The following NLRP9 variants were observed in gnomAD, a reference collection of about 807,000 sequenced individuals.
NLRP9 encodes the protein NACHT, LRR and PYD domains-containing protein 9.
A neutral mutation model predicts 83.1 loss-of-function variants in NLRP9; 88 were observed. That is an observed-to-expected ratio of 1.06 (90% CI 0.89 to 1.26). The LOEUF is 1.26. Ranked by LOEUF, NLRP9 falls within the 50% of genes most tolerant of loss-of-function variation. NLRP9 has a pLI of 0.00. For missense variants in NLRP9, 1,308 were observed against 1,179.3 expected, an observed-to-expected ratio of 1.11 and a Z score of -1.60; for synonymous variants, 521 against 447.6, an observed-to-expected ratio of 1.16 and a Z score of -2.07.
At chr19:55,729,456 A>G (rs964809274) in intron 3 of NLRP9, among the ~76,000 whole-genome samples, 3 of 151,876 alleles carry the variant, frequency 2.0e-5, no homozygotes, top group Admixed American at 6.6e-5. Context: ...TCATTGTTCA[A>G]TTCCCACCTA....
chr19:55,719,268 T>C (rs1988142478), intron 4 of NLRP9, among the ~76,000 whole-genome samples: 1 of 152,200 alleles, frequency 6.6e-6, no homozygotes, highest in Admixed American at 6.5e-5. Context: ...AGATCCCACC[T>C]CAGCCTCCCA....
chr19:55,715,886 A>T (rs1210528716), intron 5 of NLRP9, among the ~76,000 whole-genome samples: 1 of 152,212 alleles, frequency 6.6e-6, no homozygotes, highest in Non-Finnish European at 1.5e-5. Context: ...ACGATATCCC[A>T]TGTAGAATAA....
intron 6 of NLRP9, among the ~76,000 whole-genome samples, chr19:55,713,607 C>G (rs1445314039): frequency 5.2e-5 from 7 of 134,236 alleles, no homozygotes; most frequent in African/African-American, 1.4e-4. Flanking sequence ...CCTCTCCCTC[C>G]TCCCCTCTCC....
rs57736610 is a variant in NLRP9, at chr19:55,737,734, T to TAAAAAAAAAAAAAAAAAAAAAAAAAA, written c.280+335_280+360dup. The TAAAAAAAAAAAAAAAAAAAAAAAAAA allele has an allele frequency of 2.5e-4, 20 of 79,688 alleles. 2 individuals are homozygous for TAAAAAAAAAAAAAAAAAAAAAAAAAA. Among genetic ancestry groups the TAAAAAAAAAAAAAAAAAAAAAAAAAA allele is most frequent in the African/African-American group, 7.9e-4 (16 of 20,376 alleles). 4.9% of individuals were successfully genotyped at this position (79,688 alleles called of 1,614,324 possible). The stretch of plus-strand genomic sequence containing the variant: ...GAGCAACATGGCAAGACCCTTTCTC[T>TAAAAAAAAAAAAAAAAAAAAAAAAAA]AAAAAAAAAAAAAAAAAAAAAAAAA... On this transcript the variant is annotated intron_variant, in intron 1 of 8. Coordinates refer to ENST00000332836, the MANE Select transcript of NLRP9 (RefSeq NM_176820.4).
In NLRP9 at chr19:55,738,136, T is replaced by C. The variant is rs900452205; in HGVS notation, c.239A>G (p.Asn80Ser). 51 of 1,614,084 alleles carry C rather than the reference T, an allele frequency of 3.2e-5. No homozygotes were observed. Among genetic ancestry groups the C allele is most frequent in the Non-Finnish European group, 2.6e-5 (31 of 1,180,030 alleles). The change falls in exon 1 of 9, where the codon AAT becomes AGT. Residue 80 changes from asparagine (N) to serine (S), a missense_variant. Coordinates refer to ENST00000332836, the MANE Select transcript of NLRP9 (RefSeq NM_176820.4). ...EVTLNLFLQI[N>S]RKDLWTKAQE... is the part of the protein sequence containing the mutation. ...AGCCTTTGTCCAGAGATCTTTCCTA[T>C]TGATCTGTAGAAACAGGTTCAGTGT...
chr19:55,736,188 G>A (rs994065818), intron 1 of NLRP9, among the ~76,000 whole-genome samples: 6 of 151,524 alleles, frequency 4.0e-5, no homozygotes, highest in African/African-American at 9.7e-5. Context: ...TCAGGAGATC[G>A]AGACCATCCT....
At chr19:55,721,312 A>G (rs1027283465) in intron 4 of NLRP9, among the ~76,000 whole-genome samples, 1 of 152,198 alleles carries the variant, frequency 6.6e-6, no homozygotes, top group African/African-American at 2.4e-5. Context: ...AACAACAATG[A>G]CAAAGTAAAA....
chr19:55,721,526 A>C (rs1465593638), intron 4 of NLRP9, among the ~76,000 whole-genome samples: 1 of 152,148 alleles, frequency 6.6e-6, no homozygotes, highest in African/African-American at 2.4e-5. Flanking sequence ...CCAGAAGAGA[A>C]GCATCACTCT....
intron 1 of NLRP9, among the ~76,000 whole-genome samples, chr19:55,736,727 G>C (rs899568726): frequency 2.7e-4 from 41 of 151,818 alleles, no homozygotes; most frequent in African/African-American, 9.2e-4. Context: ...CCAGCTACTC[G>C]GGAAGCTGAG....
Position 55,711,928 on chromosome 19 carries a change from G to A in NLRP9, c.2715C>T (p.Ile905=), listed in dbSNP as rs111292272. The change falls in exon 8 of 9, where the codon ATC becomes ATT. Residue 905 remains isoleucine, a synonymous_variant. Transcript: ENST00000332836. ...TTTTGCAGGCGATGAGTGCTGCGGC[G>A]ATGTCGTCGCAGCAGGCACGGGTGA... ...CPITRACCDD[I]AAALIACKTL... 593 of 1,613,162 alleles carry A rather than the reference G, an allele frequency of 3.7e-4. 3 individuals are homozygous for A. In the African/African-American group the frequency reaches 4.4e-3, roughly 12 times the overall value.
chr19:55,734,680 G>C lies in NLRP9; in HGVS notation c.281-1130C>G, dbSNP rs933580773. Among the ~76,000 whole-genome samples, 9 of 149,072 alleles carry C rather than the reference G, an allele frequency of 6.0e-5. 1 individual carries two copies. Among genetic ancestry groups the C allele is most frequent in the African/African-American group, 2.0e-4 (8 of 40,362 alleles). On this transcript the variant is annotated intron_variant, in intron 1 of 8. Transcript: ENST00000332836. ...ATGAACTCTCGCTCTTGTCCCCCAG[G>C]CTGGAGTGAGATGGCGCTATCTCAG... is the stretch of plus-strand genomic sequence containing the variant.
At chr19:55,729,597 G>A (rs1988510129) in intron 3 of NLRP9, among the ~76,000 whole-genome samples, 1 of 151,950 alleles carries the variant, frequency 6.6e-6, no homozygotes, top group East Asian at 1.9e-4. Context: ...AGTATTCCAT[G>A]GTGTATATGT....
chr19:55,722,546 A>G (rs1988260995), intron 4 of NLRP9, among the ~76,000 whole-genome samples: 1 of 152,230 alleles, frequency 6.6e-6, no homozygotes, highest in African/African-American at 2.4e-5. Flanking sequence ...GTTACTGCAA[A>G]GACAAGACAG....
chr19:55,715,252 C>A (rs1330250269), intron 5 of NLRP9, 27 bp from the exon 6 acceptor site: 1 of 1,600,806 alleles, frequency 6.2e-7, no homozygotes, highest in South Asian at 1.1e-5. Flanking sequence ...CGTCTCCCAG[C>A]CTGCTGAACA....
At chr19:55,733,989 C>T (rs1221121711) in intron 1 of NLRP9, among the ~76,000 whole-genome samples, 3 of 137,816 alleles carry the variant, frequency 2.2e-5, no homozygotes, top group Non-Finnish European at 4.6e-5. Context: ...GTGGCGGGAT[C>T]TCGGCTCACT....
intron 1 of NLRP9, chr19:55,737,190 A>C (rs1328649712): frequency 6.6e-6 from 1 of 152,184 alleles, no homozygotes; most frequent in Non-Finnish European, 1.5e-5. Context: ...GTCATGTAAC[A>C]CATGGGAACA....
chr19:55,734,788 C>G (rs1174499839), intron 1 of NLRP9, among the ~76,000 whole-genome samples: 1 of 151,976 alleles, frequency 6.6e-6, no homozygotes, highest in Admixed American at 6.6e-5. Context: ...GCACCTGCCA[C>G]CACGCCCAGC....
chr19:55,727,867 C>T (rs1226065859), intron 3 of NLRP9, among the ~76,000 whole-genome samples: 2 of 152,128 alleles, frequency 1.3e-5, no homozygotes, highest in African/African-American at 4.8e-5. Flanking sequence ...GCTAGGAGAC[C>T]TTGTACGACT....
At chr19:55,713,310 GTAGA>G (rs1024925675) in intron 6 of NLRP9, among the ~76,000 whole-genome samples, 3 of 151,756 alleles carry the variant, frequency 2.0e-5, no homozygotes, top group East Asian at 2.0e-4. Context: ...CAGAAAAATG[GTAGA>G]TAGAGGACAG....
Sources: allele counts gnomAD v4.1 joint callset (sites outside exome capture counted in the v4.1 genomes callset), GRCh38; gene constraint gnomAD v4.1.1; transcripts MANE v1.5; gene names NCBI Gene and HGNC (gene_info 2026-07-23, HGNC 2026-07-21).